The following KIFC3 variants were observed in gnomAD, a reference collection of about 807,000 sequenced individuals.
KIFC3 encodes the protein kinesin-like protein KIFC3.
In KIFC3, 60 loss-of-function variants were observed where a neutral mutation model predicts 101.8. That is an observed-to-expected ratio of 0.59 (90% CI 0.48 to 0.73). The LOEUF is 0.73. KIFC3 is among the 30% of genes least tolerant of loss of function. The pLI is 0.00. For missense variants in KIFC3, 966 were observed against 1,137.1 expected (o/e 0.85, Z 2.16); for synonymous variants, 476 against 482.7 (o/e 0.99, Z 0.18).
At chr16:57,785,804 G>A (rs2053261297) in intron 3 of KIFC3, 1 of 332,154 alleles carries the variant, frequency 3.0e-6, no homozygotes, top group Non-Finnish European at 5.2e-6. Flanking sequence ...TGAGGGCTGG[G>A]GCGGCAGCGG....
intron 3 of KIFC3, among the ~76,000 whole-genome samples, chr16:57,787,596 G>A (rs2911357): frequency 0.8 from 120,785 of 151,918 alleles, 48,535 homozygotes; most frequent in Non-Finnish European, 0.86. Context: ...GGCTGCACTC[G>A]GGGCTCAAAG....
intron 1 of KIFC3, among the ~76,000 whole-genome samples, chr16:57,825,926 C>G (rs1330560980): frequency 6.6e-6 from 1 of 152,358 alleles, no homozygotes; most frequent in East Asian, 1.9e-4. Context: ...AGCTATCAAT[C>G]CACCCACCTT....
chr16:57,797,425 G>A (rs1223098940), intron 2 of KIFC3, among the ~76,000 whole-genome samples: 15 of 152,192 alleles, frequency 9.9e-5, no homozygotes, highest in Non-Finnish European at 1.9e-4. Context: ...CAGAGAAGCC[G>A]CTCACTTCTT....
intron 1 of KIFC3, among the ~76,000 whole-genome samples, chr16:57,830,236 C>CTTTTTTTTTT (rs34842791): frequency 5.9e-5 from 7 of 119,308 alleles, no homozygotes; most frequent in Admixed American, 9.2e-5. Flanking sequence ...TTTTTTCTTT[C>CTTTTTTTTTT]TTTTTTTTTT....
chr16:57,802,929 C>T, upstream of KIFC3: 1 of 1,505,538 alleles, frequency 6.6e-7, no homozygotes, highest in Non-Finnish European at 8.9e-7. The surrounding 1 kb of genome is among the most constrained non-coding windows in gnomAD (Gnocchi z 5.0). Context: ...ACGTGTCTTC[C>T]CATCCCAACA....
At chr16:57,771,111 C>G in intron 6 of KIFC3, 87 bp downstream of exon 6, 1 of 1,519,022 alleles carries the variant, frequency 6.6e-7, no homozygotes, top group South Asian at 1.2e-5. Flanking sequence ...TACCTATTCA[C>G]CAGGACAAGC....
At chr16:57,820,883 G>A (rs2055336398) in intron 1 of KIFC3, among the ~76,000 whole-genome samples, 1 of 152,178 alleles carries the variant, frequency 6.6e-6, no homozygotes, top group Non-Finnish European at 1.5e-5. Flanking sequence ...CACTATGGGA[G>A]GCTGAGGCAG....
intron 13 of KIFC3, among the ~76,000 whole-genome samples, 200 bp from the exon 14 acceptor site, chr16:57,761,736 CCT>C (rs2049883071): frequency 6.6e-6 from 1 of 151,078 alleles, no homozygotes; most frequent in Admixed American, 6.6e-5. Flanking sequence ...ACAATGAGCC[CCT>C]GTTGGCAGGG....
intron 9 of KIFC3, among the ~76,000 whole-genome samples, chr16:57,768,664 C>T (rs971225186): frequency 2.0e-5 from 3 of 152,186 alleles, no homozygotes; most frequent in African/African-American, 7.2e-5. Flanking sequence ...TTTGACTTTT[C>T]ACCACGTCCA....
chr16:57,803,150 G>T (rs1465700097), upstream of KIFC3: 1 of 966,652 alleles, frequency 1.0e-6, no homozygotes, highest in Non-Finnish European at 1.6e-6. Flanking sequence ...TCCCAGCAAG[G>T]AAGCTGCCTG....
intron 2 of KIFC3, 99 bp from the exon 3 acceptor site, chr16:57,795,240 A>G (rs1289596919): frequency 6.4e-6 from 9 of 1,416,906 alleles, no homozygotes; most frequent in Non-Finnish European, 7.7e-6. Context: ...CTCAGCTTTC[A>G]CACATCCCTG....
In KIFC3 at chr16:57,758,614, C is replaced by CT; in HGVS notation, c.*319dup. The CT allele has an allele frequency of 1.4e-6, 1 of 693,822 alleles. No homozygotes were observed. The highest frequency in any genetic ancestry group is 2.6e-6 in the Non-Finnish European group (1 of 380,012). The allele number at this position is 693,822 out of a possible 1,614,324, so 43.0% of individuals were successfully genotyped here. A position where few individuals can be genotyped will look rare whatever the true frequency, so the allele number is the denominator to read the frequency against. On this transcript the variant is annotated 3_prime_UTR_variant, in exon 20 of 20. Transcript: ENST00000445690. ...AAGCCTGGGTGAGAGGCCCACCCTC[C>CT]TCCACACTCCCGCCCTCCTCACGGG...
In KIFC3 at chr16:57,798,206, G is replaced by A. The variant is rs782518915; in HGVS notation, c.38C>T (p.Thr13Met). Residue 13 changes from threonine to methionine, a missense_variant, in exon 2 of 20, where the codon ACG becomes ATG. Coordinates refer to ENST00000445690, the MANE Select transcript of KIFC3 (RefSeq NM_001130100.2). ...TCTCCACAGGCCCCGCAGCGAGGGC[G>A]TGGCTCCCAGGTTCCACGTCCTGCG... ...PSRRTWNLGA[T>M]PSLRGLWRVG... 7 of 1,546,322 alleles carry A rather than the reference G, an allele frequency of 4.5e-6. No individual in the cohort carries two copies. Among genetic ancestry groups the A allele is most frequent in the Non-Finnish European group, 6.1e-6 (7 of 1,145,938 alleles).
chr16:57,798,102 G>A lies in KIFC3; in HGVS notation c.142C>T (p.Pro48Ser), dbSNP rs782774525. 1.2e-5 allele frequency: 19 copies of A among 1,591,022 alleles called. No individual in the cohort carries two copies. In the African/African-American group the frequency reaches 2.3e-4, roughly 19 times the overall value. The change falls in exon 2 of 20, where the codon CCA (proline) becomes TCA (serine). Residue 48 changes from proline (P) to serine (S), a missense_variant. By Grantham distance (74) the Pro-to-Ser change is moderately conservative. Around this residue, in one of 2 missense-constraint regions of KIFC3, gnomAD observed 277 missense variants for 252.5 expected, o/e 1.10. Transcript: ENST00000445690. ...CTCAACCTCCCCGGGCCGGTGTGTG[G>A]GAAAGGGCGGGCGGCCGGGCTGGCT... ...APASPAARPFPHTGPGRLRTG... is the reference protein window; with the variant it reads ...APASPAARPFSHTGPGRLRTG...
At chr16:57,802,515 G>T (rs2054808050), upstream of KIFC3, 1 of 984,540 alleles carries the variant, frequency 1.0e-6, no homozygotes, top group Non-Finnish European at 1.2e-6. This position sits in a 1 kb window ranked among gnomAD's most constrained non-coding sequence, Gnocchi z 5.0. Context: ...CACAGGAAAT[G>T]ATTAACTCGG....
rs1272272618 is a variant in KIFC3, at chr16:57,802,225, C to G, written c.-40+145G>C. 1 of 301,214 alleles carries G rather than the reference C, an allele frequency of 3.3e-6. No individual in the cohort carries two copies. Among genetic ancestry groups the G allele is most frequent in the African/African-American group, 2.3e-5 (1 of 44,296 alleles). The allele number at this position is 301,214 out of a possible 1,614,324, so 18.7% of individuals were successfully genotyped here. A position where few individuals can be genotyped will look rare whatever the true frequency, so the allele number is the denominator to read the frequency against. ...GGGGACCTCGCAGGGCTGGGTCTCCCGGGCCTTTCCCTCCCCGCGCCCATA... is the reference window on the plus strand; with the variant it reads ...GGGGACCTCGCAGGGCTGGGTCTCCGGGGCCTTTCCCTCCCCGCGCCCATA... On this transcript the variant is annotated intron_variant, in intron 1 of 19. Coordinates refer to ENST00000445690, the MANE Select transcript of KIFC3 (RefSeq NM_001130100.2). This position sits in a 1 kb window ranked among gnomAD's most constrained non-coding sequence, Gnocchi z 5.0.
intron 1 of KIFC3, among the ~76,000 whole-genome samples, chr16:57,855,806 C>T (rs925510608): frequency 3.3e-5 from 5 of 151,370 alleles, no homozygotes; most frequent in African/African-American, 7.3e-5. Flanking sequence ...ATTAGCTCAG[C>T]GTGGTGGCAC....
chr16:57,816,185 A>G (rs782616312), intron 1 of KIFC3: 13 of 1,271,052 alleles, frequency 1.0e-5, no homozygotes, highest in Non-Finnish European at 1.3e-5. Flanking sequence ...CACTTCTAAT[A>G]GTTCATCAAG....
At position 57,816,805 on chromosome 16, in the gene KIFC3, A is replaced by AGGCAGGAGCTCAT. The variant is rs782028830; in HGVS notation, c.109-18524_109-18523insATGAGCTCCTGCC. The AGGCAGGAGCTCAT allele has an allele frequency of 4.9e-3, 2,234 of 455,202 alleles. 36 individuals carry two copies. Among genetic ancestry groups the AGGCAGGAGCTCAT allele is most frequent in the African/African-American group, 0.04 (2,004 of 50,148 alleles). The allele number at this position is 455,202 out of a possible 1,614,324, so 28.2% of individuals were successfully genotyped here. A position where few individuals can be genotyped will look rare whatever the true frequency, so the allele number is the denominator to read the frequency against. ...CAGGAGCTCATGGGAAACCAAGACCAGGGAACCCATCCCACCCCCAGTAAG... is the reference window on the plus strand; with the variant it reads ...CAGGAGCTCATGGGAAACCAAGACCAGGCAGGAGCTCATGGGAACCCATCCCACCCCCAGTAAG... On this transcript the variant is annotated intron_variant, in intron 1 of 2. Transcript: ENST00000563028.
Sources: gnomAD v4.1 joint callset for allele counts (sites outside exome capture counted in the v4.1 genomes callset) on GRCh38, gnomAD v4.1.1 for gene constraint, gnomAD v4.1.1 regional missense constraint, Gnocchi (gnomAD v3.1) non-coding constraint, MANE v1.5 for transcripts, NCBI Gene and HGNC (gene_info 2026-07-23, HGNC 2026-07-21) for gene names.